MAPK10: variants seen among roughly 807,000 people sequenced by gnomAD.
The protein encoded by MAPK10 is JNK3 alpha protein kinase.
In MAPK10, 25 loss-of-function variants were observed where a neutral mutation model predicts 59.3. The ratio of observed to expected loss-of-function variants is 0.42; its 90% CI spans 0.31 to 0.59. The LOEUF (loss-of-function observed/expected upper bound fraction) is 0.59. Ranked by LOEUF, MAPK10 falls within the 20% of genes least tolerant of loss-of-function variation. The pLI, the probability that MAPK10 is intolerant of heterozygous loss-of-function variation, is 0.15. For missense variants in MAPK10, 351 were observed against 568.9 expected (o/e 0.62, Z 3.90); for synonymous variants, 190 against 200.5 (o/e 0.95, Z 0.44).
At chr4:86,135,967 A>C (rs2061979005) in intron 4 of MAPK10, among the ~76,000 whole-genome samples, 1 of 152,296 alleles carries the variant, frequency 6.6e-6, no homozygotes, top group South Asian at 2.1e-4. Flanking sequence ...AAATGAAGCA[A>C]GAAGGGAAGT....
intron 2 of MAPK10, among the ~76,000 whole-genome samples, chr4:86,273,099 C>G (rs557450899): frequency 7.3e-4 from 111 of 152,186 alleles, no homozygotes; most frequent in African/African-American, 2.6e-3. Flanking sequence ...ATTATGGAAT[C>G]TCACTATTTT....
At chr4:86,122,841 A>C (rs867071650) in intron 4 of MAPK10, among the ~76,000 whole-genome samples, 3 of 152,188 alleles carry the variant, frequency 2.0e-5, no homozygotes, top group East Asian at 1.9e-4. Context: ...ATTTATTTGG[A>C]GCATCATCCC....
intron 10 of MAPK10, among the ~76,000 whole-genome samples, chr4:86,066,772 A>G (rs1021197956): frequency 3.9e-4 from 58 of 147,632 alleles, no homozygotes; most frequent in African/African-American, 1.0e-3. Flanking sequence ...AAAAAAAAAA[A>G]AAAGAAAGGG....
At chr4:86,068,493 T>C (rs1294064353) in intron 9 of MAPK10, among the ~76,000 whole-genome samples, 3 of 152,132 alleles carry the variant, frequency 2.0e-5, no homozygotes, top group African/African-American at 7.2e-5. Flanking sequence ...AACATAACTT[T>C]TATAGTAAAA....
At chr4:86,136,188 C>G (rs1337872491) in intron 4 of MAPK10, among the ~76,000 whole-genome samples, 1 of 152,076 alleles carries the variant, frequency 6.6e-6, no homozygotes, top group African/African-American at 2.4e-5. Flanking sequence ...CAGAGAATGC[C>G]ACAAAGATAC....
intron 4 of MAPK10, among the ~76,000 whole-genome samples, chr4:86,129,470 G>A (rs866133194): frequency 2.0e-5 from 3 of 152,124 alleles, no homozygotes; most frequent in Non-Finnish European, 4.4e-5. Context: ...CATGAAGATT[G>A]TCAAGACAAG....
chr4:86,155,752 T>C (rs745821891), intron 4 of MAPK10, among the ~76,000 whole-genome samples: 1 of 152,104 alleles, frequency 6.6e-6, no homozygotes, highest in Non-Finnish European at 1.5e-5. Flanking sequence ...TTTTTGTTCT[T>C]TCCTCATTAA....
At chr4:86,267,207 C>G (rs2148760798) in intron 2 of MAPK10, among the ~76,000 whole-genome samples, 1 of 152,330 alleles carries the variant, frequency 6.6e-6, no homozygotes, top group East Asian at 1.9e-4. Context: ...AGATTTCCCA[C>G]AAATATTTCC....
At chr4:86,055,937 G>A (rs2044463201) in intron 11 of MAPK10, among the ~76,000 whole-genome samples, 1 of 150,006 alleles carries the variant, frequency 6.7e-6, no homozygotes, top group East Asian at 1.9e-4. Context: ...CAAAAATAAT[G>A]CCTATTAACT....
At chr4:86,387,529 A>T (rs1471302261) in intron 1 of MAPK10, among the ~76,000 whole-genome samples, 1 of 152,180 alleles carries the variant, frequency 6.6e-6, no homozygotes, top group Non-Finnish European at 1.5e-5. Context: ...ATTTTTCCTC[A>T]ACATCCAGGC....
At position 86,401,298 on chromosome 4, in the gene MAPK10, A is replaced by G. The variant is rs185217899; in HGVS notation, c.-121-46654T>C. Among the ~76,000 whole-genome samples, 723 of 152,294 alleles carry G rather than the reference A, an allele frequency of 4.7e-3. 3 individuals are homozygous for G. Among genetic ancestry groups the G allele is most frequent in the Non-Finnish European group, 7.4e-3 (503 of 68,000 alleles). ...ATATATTTCTATTTCCTTTATGTAT[A>G]CAAATGATGTGGTATACAAGTAGGC... On this transcript the variant is annotated intron_variant, in intron 1 of 13. Coordinates refer to the MAPK10 transcript ENST00000361569.
chr4:86,259,866 T>C (rs2093916215), intron 2 of MAPK10, among the ~76,000 whole-genome samples: 5 of 152,134 alleles, frequency 3.3e-5, no homozygotes, highest in Admixed American at 3.3e-4. Context: ...AACTATGTTA[T>C]CTCCAAATGT....
intron 1 of MAPK10, among the ~76,000 whole-genome samples, chr4:86,354,915 G>A (rs1564669072): frequency 6.6e-6 from 1 of 152,074 alleles, no homozygotes; most frequent in Non-Finnish European, 1.5e-5. Flanking sequence ...CTTGTGATAT[G>A]AATTTGGTTT....
At chr4:86,150,699 A>C (rs1038728906) in intron 4 of MAPK10, among the ~76,000 whole-genome samples, 2 of 152,154 alleles carry the variant, frequency 1.3e-5, no homozygotes, top group Admixed American at 6.5e-5. Flanking sequence ...GTCTCTACTA[A>C]AAACACAAAA....
At chr4:86,464,317 G>T (rs190414668) in intron 1 of MAPK10, among the ~76,000 whole-genome samples, 1 of 152,286 alleles carries the variant, frequency 6.6e-6, no homozygotes, top group Admixed American at 6.5e-5. Flanking sequence ...TCTTATTCTG[G>T]ATCAAAAGGT....
rs1314019753 is a variant in MAPK10 at position 86,010,920 on chromosome 4, C to T, written c.*6308G>A. 6.6e-6 allele frequency: 1 copy of T among 152,172 alleles called. No individual in the cohort carries two copies. Among genetic ancestry groups the T allele is most frequent in the Admixed American group, 6.5e-5 (1 of 15,276 alleles). 9.4% of individuals were successfully genotyped at this position (152,172 alleles called of 1,614,324 possible). ...ATCGCAGACAAGATCAGGTGAAGAA[C>T]ATTACTAGAAGTTCAGTGATTAAGA... On this transcript the variant is annotated 3_prime_UTR_variant, in exon 14 of 14. Coordinates refer to ENST00000641462, the MANE Select transcript of MAPK10 (RefSeq NM_138982.4).
chr4:86,424,148 C>T (rs1746948120), intron 1 of MAPK10, among the ~76,000 whole-genome samples: 1 of 152,150 alleles, frequency 6.6e-6, no homozygotes, highest in East Asian at 1.9e-4. Context: ...TTCCCACACT[C>T]CAGTTCAGAC....
chr4:86,576,738 G>A (rs1761925877), intron 1 of MAPK10, among the ~76,000 whole-genome samples: 1 of 151,046 alleles, frequency 6.6e-6, no homozygotes, highest in African/African-American at 2.4e-5. Context: ...TCGCGCCACT[G>A]TAGTCCAGCC....
intron 2 of MAPK10, among the ~76,000 whole-genome samples, chr4:86,208,321 A>G (rs1366056274): frequency 1.3e-5 from 2 of 150,034 alleles, no homozygotes; most frequent in Non-Finnish European, 2.9e-5. Context: ...CTTGATGAAC[A>G]TTGATGCAAA....
Sources: gnomAD v4.1 joint callset for allele counts (sites outside exome capture counted in the v4.1 genomes callset) on GRCh38, gnomAD v4.1.1 for gene constraint, MANE v1.5 for transcripts, NCBI Gene and HGNC (gene_info 2026-07-23, HGNC 2026-07-21) for gene names.